The following ADARB1 variants were observed in gnomAD, a reference collection of about 807,000 sequenced individuals.
ADARB1 encodes the protein double-stranded RNA-specific editase 1.
Under a neutral mutation model 52.4 loss-of-function variants are expected in ADARB1, and 10 were observed. The observed-to-expected ratio is 0.19, with a 90% CI of 0.12 to 0.32. ADARB1 has a LOEUF of 0.32. Among genes scored for constraint, ADARB1 ranks in the 10% least tolerant of loss-of-function variants. The probability of loss-of-function intolerance (pLI) is 1.00; values close to 1 mark genes in which losing one functional copy is unlikely to be tolerated. For missense variants in ADARB1, 643 were observed against 922.3 expected, an observed-to-expected ratio of 0.70 and a Z score of 3.92; for synonymous variants, 349 against 371.1, an observed-to-expected ratio of 0.94 and a Z score of 0.68.
At chr21:45,160,855 A>G (rs1296126293) in intron 2 of ADARB1, among the ~76,000 whole-genome samples, 1 of 152,212 alleles carries the variant, frequency 6.6e-6, no homozygotes, top group Non-Finnish European at 1.5e-5. Flanking sequence ...TTGTTAAGTA[A>G]TCGACTTACA....
chr21:45,082,161 A>G lies in ADARB1; in HGVS notation c.-220+7368A>G, dbSNP rs182398734. Among the ~76,000 whole-genome samples the G allele has an allele frequency of 1.3e-3, 199 of 152,324 alleles. 1 individual carries two copies. The highest frequency in any genetic ancestry group is 0.01 in the Middle Eastern group (3 of 294). ...GAGGATCTCAGGTTAGGAGTCTTCA[A>G]CTAGAGACCTCATTTTGTATTGGGT... On this transcript the variant is annotated intron_variant, in intron 1 of 10. Transcript: ENST00000348831.
chr21:45,077,220 T>C (rs1455752867), intron 1 of ADARB1, among the ~76,000 whole-genome samples: 2 of 152,240 alleles, frequency 1.3e-5, no homozygotes, highest in Non-Finnish European at 2.9e-5. Context: ...TGTGATTAGC[T>C]CTGTGATCAA....
intron 2 of ADARB1, among the ~76,000 whole-genome samples, chr21:45,135,840 C>T (rs1006186850): frequency 6.6e-6 from 1 of 152,168 alleles, no homozygotes; most frequent in Non-Finnish European, 1.5e-5. Flanking sequence ...TGCAGGTGGG[C>T]CCAGTGGAGA....
At chr21:45,099,460 T>A (rs1819106535) in intron 1 of ADARB1, among the ~76,000 whole-genome samples, 3 of 150,536 alleles carry the variant, frequency 2.0e-5, no homozygotes, top group Admixed American at 2.0e-4. Flanking sequence ...AGGTCAGGAG[T>A]TTGAGACCAG....
chr21:45,147,940 C>T (rs747376992), intron 2 of ADARB1, among the ~76,000 whole-genome samples: 8 of 152,116 alleles, frequency 5.3e-5, no homozygotes, highest in South Asian at 2.1e-4. Context: ...AAGAGGCTGC[C>T]GCGCCTGTGC....
intron 3 of ADARB1, 49 bp from the exon 4 acceptor site, chr21:45,175,681 A>G (rs1307329127): frequency 6.3e-7 from 1 of 1,588,102 alleles, no homozygotes; most frequent in East Asian, 2.2e-5. Flanking sequence ...TTGCATTTAC[A>G]AGATCCTGCA....
chr21:45,183,269 C>T, intron 6 of ADARB1, 93 bp from the exon 7 acceptor site: 2 of 1,237,492 alleles, frequency 1.6e-6, no homozygotes, highest in South Asian at 3.3e-5. Context: ...ACTTATCTTT[C>T]CCTTGTGGAA....
At chr21:45,153,833 C>G (rs1311553542) in intron 2 of ADARB1, among the ~76,000 whole-genome samples, 1 of 152,108 alleles carries the variant, frequency 6.6e-6, no homozygotes, top group East Asian at 1.9e-4. Flanking sequence ...TCTGTGCGGC[C>G]CCCTCTGCCC....
chr21:45,084,329 C>T (rs149218028), intron 1 of ADARB1, among the ~76,000 whole-genome samples: 1 of 152,354 alleles, frequency 6.6e-6, no homozygotes, highest in East Asian at 1.9e-4. Context: ...TGCCGAGGCT[C>T]ACGCGAGGCT....
rs73907270 is a variant in ADARB1, at chr21:45,196,230, G to A, written c.1566-8325G>A. 3.2e-3 allele frequency among the ~76,000 whole-genome samples: 490 copies of A among 152,036 alleles called. 2 individuals carry two copies. The highest frequency in any genetic ancestry group is 0.011 in the African/African-American group (436 of 41,452). ...GTTAATTTTTGACCAAGGCACAAAG[G>A]CAATTCAGTGGAGAAAGAATAGTCT... On this transcript the variant is annotated intron_variant, in intron 8 of 10. Transcript: ENST00000348831.
Position 45,221,820 on chromosome 21 carries a change from G to C in ADARB1, c.1927-198G>C, listed in dbSNP as rs1445902547. Among the ~76,000 whole-genome samples the C allele has an allele frequency of 6.6e-6, 1 of 152,208 alleles. No homozygotes were observed. The highest frequency in any genetic ancestry group is 1.5e-5 in the Non-Finnish European group (1 of 68,034). On this transcript the variant is annotated intron_variant, in intron 10 of 10. Transcript: ENST00000348831. The surrounding 1 kb of genome is among the most constrained non-coding windows in gnomAD (Gnocchi z 4.9). ...TGTTTGACCAGCAAGACTGGAACTT[G>C]GCAATAACTCAGCCCTTAGGAGACG...
intron 1 of ADARB1, among the ~76,000 whole-genome samples, chr21:45,106,140 TTTGCCTTTAATGCAA>T (rs3216764): frequency 0.78 from 118,014 of 150,412 alleles, 46,471 homozygotes; most frequent in South Asian, 0.86. Context: ...TATTCCTTTC[TTTGCCTTTAATGCAA>T]TTGTATCTTG....
Position 45,221,959 on chromosome 21 carries a change from G to A in ADARB1, c.1927-59G>A, listed in dbSNP as rs551454333. 11 of 1,553,918 alleles carry A rather than the reference G, an allele frequency of 7.1e-6. No homozygotes were observed. Among genetic ancestry groups the A allele is most frequent in the Admixed American group, 3.4e-5 (2 of 58,174 alleles). On this transcript the variant is annotated intron_variant, in intron 10 of 10. Coordinates refer to ENST00000348831, the MANE Select transcript of ADARB1 (RefSeq NM_001112.4). The surrounding 1 kb of genome is among the most constrained non-coding windows in gnomAD (Gnocchi z 4.9). Reference sequence around the variant, plus strand: ...AGGCCATGTTTTGGTATCTTATTAGGTGTTGTTTTCATCTGTTACAGCGTC... The same window carrying A: ...AGGCCATGTTTTGGTATCTTATTAGATGTTGTTTTCATCTGTTACAGCGTC...
chr21:45,099,804 T>C (rs2086922749), intron 1 of ADARB1, among the ~76,000 whole-genome samples: 1 of 152,206 alleles, frequency 6.6e-6, no homozygotes, highest in African/African-American at 2.4e-5. Context: ...CTGGAGTTTC[T>C]GGGAGTGCTC....
chr21:45,126,714 T>C (rs1161958380), intron 1 of ADARB1, among the ~76,000 whole-genome samples: 1 of 152,146 alleles, frequency 6.6e-6, no homozygotes, highest in African/African-American at 2.4e-5. Context: ...TCCTGGCAAG[T>C]ATGGCAGTTT....
intron 1 of ADARB1, among the ~76,000 whole-genome samples, chr21:45,126,780 G>A (rs899865398): frequency 6.6e-6 from 1 of 152,154 alleles, no homozygotes; most frequent in Non-Finnish European, 1.5e-5. Flanking sequence ...CACACTTGAT[G>A]TTTAGACTTT....
chr21:45,115,113 G>A (rs575764661), intron 1 of ADARB1, among the ~76,000 whole-genome samples: 16 of 152,158 alleles, frequency 1.1e-4, no homozygotes, highest in African/African-American at 3.6e-4. Context: ...ATTTTAAGGC[G>A]ACCAAACTTC....
At chr21:45,190,926 G>A (rs1483041071) in intron 8 of ADARB1, among the ~76,000 whole-genome samples, 1 of 152,188 alleles carries the variant, frequency 6.6e-6, no homozygotes, top group East Asian at 1.9e-4. Context: ...AGGGAAAGGG[G>A]AACAAACAGG....
At chr21:45,153,434 G>A (rs1473292501) in intron 2 of ADARB1, among the ~76,000 whole-genome samples, 8 of 152,138 alleles carry the variant, frequency 5.3e-5, no homozygotes, top group Admixed American at 4.6e-4. Flanking sequence ...GAACACAGGC[G>A]TGATCAGTGC....
Sources: allele counts gnomAD v4.1 joint callset (sites outside exome capture counted in the v4.1 genomes callset), GRCh38; gene constraint gnomAD v4.1.1; non-coding constraint Gnocchi (gnomAD v3.1); transcripts MANE v1.5; gene names NCBI Gene and HGNC (gene_info 2026-07-23, HGNC 2026-07-21).